The following SYCP2L variants were observed in gnomAD, a reference collection of about 807,000 sequenced individuals.
The protein encoded by SYCP2L is synaptonemal complex protein 2 like.
A neutral mutation model predicts 125.8 loss-of-function variants in SYCP2L; 98 were observed. The observed-to-expected ratio is 0.78, with a 90% CI of 0.66 to 0.92. The LOEUF (loss-of-function observed/expected upper bound fraction) is 0.92. Ranked by LOEUF, SYCP2L falls within the 40% of genes least tolerant of loss-of-function variation. SYCP2L has a pLI of 0.00. For missense variants in SYCP2L, 842 were observed against 936.4 expected (o/e 0.90, Z 1.32); for synonymous variants, 317 against 325.4 (o/e 0.97, Z 0.28).
chr6:10,970,116 A>G (rs1781746546), intron 29 of SYCP2L, among the ~76,000 whole-genome samples: 1 of 152,134 alleles, frequency 6.6e-6, no homozygotes, highest in African/African-American at 2.4e-5. Flanking sequence ...TAAGAGAGAG[A>G]CTCACAGCGT....
intron 21 of SYCP2L, among the ~76,000 whole-genome samples, chr6:10,938,068 C>T (rs1781133597): frequency 6.6e-6 from 1 of 152,090 alleles, no homozygotes; most frequent in South Asian, 2.1e-4. Context: ...TTTATGAGGC[C>T]AGCATTACCC....
At chr6:10,963,745 A>T in intron 28 of SYCP2L, 37 bp from the exon 29 acceptor site, 1 of 1,607,156 alleles carries the variant, frequency 6.2e-7, no homozygotes. Context: ...AAATTGTCTA[A>T]TGTGAATATA....
In SYCP2L at chr6:10,888,066, CTTTTTT is replaced by C. The variant is rs70991066; in HGVS notation, c.9+974_9+979del. Among the ~76,000 whole-genome samples the C allele has an allele frequency of 1.3e-4, 10 of 74,366 alleles. 2 individuals carry two copies. The highest frequency in any genetic ancestry group is 1.0e-3 in the South Asian group (2 of 1,988). The allele number at this position is 74,366 out of a possible 152,430, so 48.8% of individuals were successfully genotyped here. On this transcript the variant is annotated intron_variant, in intron 1 of 29. Coordinates refer to ENST00000283141, the MANE Select transcript of SYCP2L (RefSeq NM_001040274.3). ...AATCCTTCCATATAGGTGTTACCAT[CTTTTTT>C]TTTTTTTTTTTTTTTTTTTTTTTTT...
chr6:10,905,979 A>T, intron 8 of SYCP2L, 41 bp from the exon 9 acceptor site: 1 of 1,431,998 alleles, frequency 7.0e-7, no homozygotes, highest in Non-Finnish European at 9.7e-7. Context: ...TTACCTCTTG[A>T]TGTTCACTTC....
intron 23 of SYCP2L, among the ~76,000 whole-genome samples, chr6:10,949,076 T>A (rs1781365036): frequency 6.6e-6 from 1 of 152,136 alleles, no homozygotes; most frequent in African/African-American, 2.4e-5. Flanking sequence ...ACTCATCTTT[T>A]AAAGAATTGA....
intron 6 of SYCP2L, among the ~76,000 whole-genome samples, chr6:10,899,417 C>T (rs1780340432): frequency 6.6e-6 from 1 of 151,986 alleles, no homozygotes; most frequent in South Asian, 2.1e-4. Context: ...GTGTGGTGGC[C>T]TGCACCTGTA....
At chr6:10,891,633 G>GC in intron 2 of SYCP2L, 52 bp downstream of exon 2, 2 of 625,184 alleles carry the variant, frequency 3.2e-6, no homozygotes, top group South Asian at 1.9e-5. Flanking sequence ...GTGTGTGTGT[G>GC]TGTGTGTGTG....
chr6:10,918,292 C>T (rs1780725986), intron 14 of SYCP2L, among the ~76,000 whole-genome samples: 1 of 151,310 alleles, frequency 6.6e-6, no homozygotes, highest in Admixed American at 6.6e-5. Context: ...GTTCTTTGTG[C>T]TTCTTGTATT....
chr6:10,946,538 A>C (rs556177264), intron 23 of SYCP2L, among the ~76,000 whole-genome samples: 29 of 152,156 alleles, frequency 1.9e-4, no homozygotes, highest in Non-Finnish European at 4.0e-4. Flanking sequence ...TTGAGGTTGA[A>C]TTTTTGCTTT....
At chr6:10,957,437 G>T (rs1181827381) in intron 25 of SYCP2L, among the ~76,000 whole-genome samples, 1 of 152,142 alleles carries the variant, frequency 6.6e-6, no homozygotes, top group Non-Finnish European at 1.5e-5. Flanking sequence ...AGCATTTTCA[G>T]ACAACTGAAC....
chr6:10,929,274 A>G (rs1008075827), intron 18 of SYCP2L, among the ~76,000 whole-genome samples: 1 of 152,062 alleles, frequency 6.6e-6, no homozygotes, highest in Non-Finnish European at 1.5e-5. Context: ...TCATTTCTTC[A>G]TTTGGGATCT....
At position 10,891,516 on chromosome 6, in the gene SYCP2L, A is replaced by G. The variant is rs762190906; in HGVS notation, c.13A>G (p.Asn5Asp). 6.9e-6 allele frequency: 11 copies of G among 1,596,220 alleles called. No individual in the cohort carries two copies. The highest frequency in any genetic ancestry group is 7.7e-6 in the Non-Finnish European group (9 of 1,170,388). MQAK[N>D]KDALQPIKED... The stretch of plus-strand genomic sequence containing the variant: ...AACATGTTTTTATTCCACACAGAAA[A>G]ACAAAGATGCTTTGCAGCCTATTAA... Residue 5 changes from asparagine to aspartate, a missense_variant, in exon 2 of 30, where the codon AAC becomes GAC. By Grantham distance (23) the Asn-to-Asp change is conservative. Transcript: ENST00000283141.
chr6:10,893,293 C>T (rs1483471450), intron 2 of SYCP2L, among the ~76,000 whole-genome samples: 2 of 152,118 alleles, frequency 1.3e-5, no homozygotes, highest in South Asian at 2.1e-4. Context: ...CCACTGCACC[C>T]GGCCCTTCAA....
intron 18 of SYCP2L, among the ~76,000 whole-genome samples, chr6:10,929,343 G>C (rs1780951966): frequency 6.6e-6 from 1 of 152,178 alleles, no homozygotes; most frequent in South Asian, 2.1e-4. Flanking sequence ...GGCCTGAAAT[G>C]AGAATGAACT....
intron 22 of SYCP2L, 31 bp downstream of exon 22, chr6:10,942,560 T>C (rs1291812476): frequency 6.3e-7 from 1 of 1,583,716 alleles, no homozygotes; most frequent in South Asian, 1.1e-5. Context: ...ATTCATCTGA[T>C]TTTCCAGAAT....
chr6:10,942,585 C>G (rs1781243588), intron 22 of SYCP2L, 56 bp downstream of exon 22: 1 of 1,572,514 alleles, frequency 6.4e-7, no homozygotes. Flanking sequence ...ATCATATTTG[C>G]ATAACACATT....
intron 8 of SYCP2L, among the ~76,000 whole-genome samples, chr6:10,903,296 C>T (rs1039405420): frequency 1.3e-5 from 2 of 152,134 alleles, no homozygotes; most frequent in Non-Finnish European, 2.9e-5. Flanking sequence ...CGCCTGTAAT[C>T]CCAGCGCTTT....
intron 26 of SYCP2L, 95 bp from the exon 27 acceptor site, chr6:10,961,210 G>C (rs1781586977): frequency 3.1e-6 from 3 of 962,656 alleles, no homozygotes; most frequent in Non-Finnish European, 4.9e-6. Flanking sequence ...CTGGAGAAGA[G>C]TCTGAAGTAT....
intron 14 of SYCP2L, among the ~76,000 whole-genome samples, chr6:10,913,418 T>C (rs1168767002): frequency 1.3e-5 from 2 of 152,140 alleles, no homozygotes; most frequent in African/African-American, 2.4e-5. Flanking sequence ...TTGTAACTAG[T>C]AGTTAGGATC....
Sources: allele counts gnomAD v4.1 joint callset (sites outside exome capture counted in the v4.1 genomes callset), GRCh38; gene constraint gnomAD v4.1.1; transcripts MANE v1.5; gene names NCBI Gene and HGNC (gene_info 2026-07-23, HGNC 2026-07-21).